MYRIP: variants seen among roughly 807,000 people sequenced by gnomAD.
MYRIP encodes myosin VIIA and Rab interacting protein.
In MYRIP, 49 loss-of-function variants were observed where a neutral mutation model predicts 98.0. The ratio of observed to expected loss-of-function variants is 0.50; its 90% CI spans 0.40 to 0.63. The LOEUF (loss-of-function observed/expected upper bound fraction) is 0.63. Ranked by LOEUF, MYRIP falls within the 30% of genes least tolerant of loss-of-function variation. The pLI, the probability that MYRIP is intolerant of heterozygous loss-of-function variation, is 0.00. For missense variants in MYRIP, 1,004 were observed against 1,058.2 expected, an observed-to-expected ratio of 0.95 and a Z score of 0.71; for synonymous variants, 404 against 409.5, an observed-to-expected ratio of 0.99 and a Z score of 0.16.
At chr3:39,959,621 A>G (rs1246341013) in intron 2 of MYRIP, among the ~76,000 whole-genome samples, 7 of 151,918 alleles carry the variant, frequency 4.6e-5, no homozygotes, top group African/African-American at 1.5e-4. Flanking sequence ...ATGTATACAT[A>G]TGTAACAAAC....
In MYRIP at chr3:39,882,421, G is replaced by A. The variant is rs142137491; in HGVS notation, c.-30-18366G>A. Among the ~76,000 whole-genome samples, 1,430 of 152,174 alleles carry A rather than the reference G, an allele frequency of 9.4e-3. 16 individuals carry two copies. Among genetic ancestry groups the A allele is most frequent in the Admixed American group, 0.025 (385 of 15,280 alleles). ...CAGTCTTAAGATAGTTTGCAAAGGT[G>A]GGTATCAAAATAGAGATTTAGAACC... On this transcript the variant is annotated intron_variant, in intron 1 of 16. Transcript: ENST00000302541.
At chr3:40,210,183 G>T in intron 11 of MYRIP, 90 bp downstream of exon 11, 3 of 1,467,442 alleles carry the variant, frequency 2.0e-6, no homozygotes, top group Non-Finnish European at 2.7e-6. Flanking sequence ...AAGCTGCTGG[G>T]TCCCCAAAGA....
intron 2 of MYRIP, among the ~76,000 whole-genome samples, chr3:40,006,897 G>A (rs759986315): frequency 6.6e-6 from 1 of 152,104 alleles, no homozygotes; most frequent in Admixed American, 6.5e-5. Context: ...GTCTTGCTCT[G>A]TTGCCCTGGC....
Position 40,197,422 on chromosome 3 carries a change from T to G in MYRIP, c.1665+6959T>G, listed in dbSNP as rs554566657. On this transcript the variant is annotated intron_variant, in intron 10 of 16. Coordinates refer to ENST00000302541, the MANE Select transcript of MYRIP (RefSeq NM_015460.4). ...CTATGCAATCCATAACATAAACCGCTGAACACACTCTTCTGTCCTCCTAAA... is the reference window on the plus strand; with the variant it reads ...CTATGCAATCCATAACATAAACCGCGGAACACACTCTTCTGTCCTCCTAAA... Among the ~76,000 whole-genome samples, 557 of 152,252 alleles carry G rather than the reference T, an allele frequency of 3.7e-3. 3 individuals carry two copies. The highest frequency in any genetic ancestry group is 0.013 in the African/African-American group (527 of 41,558).
chr3:39,875,770 C>A (rs1458553346), intron 1 of MYRIP, among the ~76,000 whole-genome samples: 2 of 151,268 alleles, frequency 1.3e-5, no homozygotes, highest in African/African-American at 4.9e-5. Flanking sequence ...ACTATGTGGT[C>A]AATTTTGGAA....
Position 39,963,847 on chromosome 3 carries a change from TTA to T in MYRIP, c.110+62925_110+62926del, listed in dbSNP as rs1270053390. On this transcript the variant is annotated intron_variant, in intron 2 of 16. Coordinates refer to ENST00000302541, the MANE Select transcript of MYRIP (RefSeq NM_015460.4). ...TTACTAGTATAGTGACATATTCATA[TTA>T]TATGTTAGAAATCTACATTTGCAAA... 3.9e-5 allele frequency among the ~76,000 whole-genome samples: 6 copies of T among 152,302 alleles called. 1 individual carries two copies. Among genetic ancestry groups the T allele is most frequent in the Non-Finnish European group, 5.9e-5 (4 of 68,010 alleles).
At chr3:39,821,265 A>G (rs1941094276) in intron 1 of MYRIP, among the ~76,000 whole-genome samples, 2 of 152,128 alleles carry the variant, frequency 1.3e-5, no homozygotes, top group African/African-American at 2.4e-5. Flanking sequence ...ACATAGTGGG[A>G]TAAGGAAGCC....
rs181444822 is a variant in MYRIP, at chr3:40,172,000, C to T, written c.873+1907C>T. Among the ~76,000 whole-genome samples, 1,395 of 152,262 alleles carry T rather than the reference C, an allele frequency of 9.2e-3. 14 individuals are homozygous for T. Among genetic ancestry groups the T allele is most frequent in the Non-Finnish European group, 0.014 (983 of 68,018 alleles). On this transcript the variant is annotated intron_variant, in intron 8 of 16. Coordinates refer to ENST00000302541, the MANE Select transcript of MYRIP (RefSeq NM_015460.4). ...TGCAGGGGAACTCCCCCTTATAAAA[C>T]CATCAGATCTCATATGGGAAAGACC...
intron 11 of MYRIP, among the ~76,000 whole-genome samples, chr3:40,230,887 C>T (rs548689731): frequency 8.6e-5 from 13 of 150,436 alleles, no homozygotes; most frequent in Middle Eastern, 3.4e-3. Context: ...AGTGCAATGG[C>T]GGGTCTCAGC....
chr3:40,162,742 T>C lies in MYRIP; in HGVS notation c.482T>C (p.Phe161Ser), dbSNP rs1175038120. The change falls in exon 5 of 17, where the codon TTT (phenylalanine) becomes TCT (serine). Residue 161 changes from phenylalanine to serine, a missense_variant. Around this residue, in one of 3 missense-constraint regions of MYRIP, gnomAD observed 880 missense variants for 907.7 expected, o/e 0.97. Coordinates refer to ENST00000302541, the MANE Select transcript of MYRIP (RefSeq NM_015460.4). ...ACFDILGGSL[F>S]ESNLENEGSI... ...CCTACCCTGCCAGGAGGAAGCCTTTTTGAGTCAAACCTGGAGAATGAAGGA... is the reference window on the plus strand; with the variant it reads ...CCTACCCTGCCAGGAGGAAGCCTTTCTGAGTCAAACCTGGAGAATGAAGGA... 4.3e-6 allele frequency: 7 copies of C among 1,614,084 alleles called. No individual in the cohort carries two copies. Among genetic ancestry groups the C allele is most frequent in the Non-Finnish European group, 3.4e-6 (4 of 1,179,952 alleles).
At chr3:39,843,079 G>A (rs1941851291) in intron 1 of MYRIP, among the ~76,000 whole-genome samples, 1 of 152,186 alleles carries the variant, frequency 6.6e-6, no homozygotes, top group Non-Finnish European at 1.5e-5. Context: ...ATCAGGCAAT[G>A]TTAAAGATGA....
intron 3 of MYRIP, among the ~76,000 whole-genome samples, chr3:40,143,739 A>T (rs1261312072): frequency 2.6e-5 from 4 of 152,238 alleles, no homozygotes; most frequent in African/African-American, 9.6e-5. Flanking sequence ...GGAATAATTA[A>T]ATCAAGCTAG....
chr3:39,999,122 G>C (rs1293942371), intron 2 of MYRIP, among the ~76,000 whole-genome samples: 3 of 152,156 alleles, frequency 2.0e-5, no homozygotes, highest in African/African-American at 7.2e-5. Flanking sequence ...GCATGGGCAA[G>C]GACTTCATGT....
chr3:39,894,598 T>C (rs1943563380), intron 1 of MYRIP, among the ~76,000 whole-genome samples: 1 of 152,218 alleles, frequency 6.6e-6, no homozygotes, highest in Non-Finnish European at 1.5e-5. Flanking sequence ...TTTGGTAAAC[T>C]ATATGCTGCA....
intron 3 of MYRIP, among the ~76,000 whole-genome samples, chr3:40,125,367 G>A (rs148615820): frequency 4.6e-5 from 7 of 152,318 alleles, no homozygotes; most frequent in African/African-American, 1.7e-4. Flanking sequence ...TCAAGGGTGG[G>A]AAGCATCCAG....
intron 1 of MYRIP, among the ~76,000 whole-genome samples, chr3:39,841,172 G>A (rs1287040435): frequency 6.6e-6 from 1 of 151,832 alleles, no homozygotes; most frequent in African/African-American, 2.4e-5. Context: ...TTCTTATTCT[G>A]TAATCTTGTC....
At chr3:39,863,205 T>G (rs573074493) in intron 1 of MYRIP, among the ~76,000 whole-genome samples, 2 of 151,724 alleles carry the variant, frequency 1.3e-5, no homozygotes, top group African/African-American at 2.4e-5. Flanking sequence ...ATCAAAAAGC[T>G]AGAAGTATCT....
intron 7 of MYRIP, among the ~76,000 whole-genome samples, chr3:40,167,685 C>T (rs571616859): frequency 6.6e-6 from 1 of 152,318 alleles, no homozygotes; most frequent in African/African-American, 2.4e-5. Context: ...CCACAAGTTT[C>T]AGGTATCCCA....
chr3:40,150,130 T>A (rs188843016), intron 3 of MYRIP, among the ~76,000 whole-genome samples: 2 of 152,146 alleles, frequency 1.3e-5, no homozygotes, highest in Non-Finnish European at 2.9e-5. Context: ...TCGCCCAGGC[T>A]GGAGGGCAGT....
Sources: allele counts gnomAD v4.1 joint callset (sites outside exome capture counted in the v4.1 genomes callset), GRCh38; gene constraint gnomAD v4.1.1; regional missense constraint gnomAD v4.1.1; transcripts MANE v1.5; gene names NCBI Gene and HGNC (gene_info 2026-07-23, HGNC 2026-07-21).